Variants in KDM1A observed in about 807,000 individuals in gnomAD.
KDM1A encodes the protein lysine-specific histone demethylase 1A.
A neutral mutation model predicts 109.4 loss-of-function variants in KDM1A; 49 were observed. That is an observed-to-expected ratio of 0.45 (90% confidence interval 0.36 to 0.57). KDM1A has a LOEUF of 0.57. Ranked by LOEUF, KDM1A falls within the 20% of genes least tolerant of loss-of-function variation. The probability of loss-of-function intolerance (pLI) is 0.00; values close to 1 mark genes in which losing one functional copy is unlikely to be tolerated. For synonymous variants in KDM1A, 380 were observed against 415.4 expected (o/e 0.91, Z 1.04); for missense variants, 668 against 1,116.6 (o/e 0.60, Z 5.73).
intron 2 of KDM1A, among the ~76,000 whole-genome samples, chr1:23,042,437 A>AT (rs1316853352): frequency 1.4e-3 from 45 of 31,146 alleles, no homozygotes; most frequent in South Asian, 8.2e-3. Context: ...TATGAAATAT[A>AT]TTATTTTTTT....
chr1:23,030,804 T>A (rs1246071708), intron 2 of KDM1A, among the ~76,000 whole-genome samples, 170 bp downstream of exon 2: 1 of 152,182 alleles, frequency 6.6e-6, no homozygotes, highest in Non-Finnish European at 1.5e-5. Context: ...TATACATGTA[T>A]ATGTGTGTAT....
chr1:23,036,510 G>A (rs1271755150), intron 2 of KDM1A, among the ~76,000 whole-genome samples: 1 of 135,006 alleles, frequency 7.4e-6, no homozygotes, highest in Non-Finnish European at 1.5e-5. Flanking sequence ...GTTCTGATTT[G>A]GACCTATGCT....
chr1:23,059,112 T>C lies in KDM1A; in HGVS notation c.1112T>C (p.Met371Thr), dbSNP rs200002247. ...PMAVVSKQVN[M>T]ELAKIKQKCP... ...GCTGTGGTCAGCAAACAAGTAAATA[T>C]GGAACTGGCCAAGATCAAGCAAAAA... Residue 371 changes from methionine (M) to threonine (T), a missense_variant, in exon 9 of 21, where the codon ATG (methionine) becomes ACG (threonine). Coordinates refer to ENST00000400181, the MANE Select transcript of KDM1A (RefSeq NM_001009999.3). The C allele has an allele frequency of 3.1e-6, 5 of 1,612,922 alleles. No homozygotes were observed. Among genetic ancestry groups the C allele is most frequent in the East Asian group, 2.2e-5 (1 of 44,798 alleles).
At chr1:23,065,591 G>C (rs1222214435) in intron 9 of KDM1A, among the ~76,000 whole-genome samples, 1 of 152,192 alleles carries the variant, frequency 6.6e-6, no homozygotes, top group Non-Finnish European at 1.5e-5. Flanking sequence ...CCTGGTGGCT[G>C]ACAATCTCAC....
At chr1:23,058,799 A>G (rs1408142021) in intron 8 of KDM1A, among the ~76,000 whole-genome samples, 3 of 152,220 alleles carry the variant, frequency 2.0e-5, no homozygotes, top group African/African-American at 4.8e-5. Context: ...TTATAAAACA[A>G]TACGTATTAT....
chr1:23,042,871 C>T (rs543111795), intron 2 of KDM1A, among the ~76,000 whole-genome samples: 1 of 152,198 alleles, frequency 6.6e-6, no homozygotes, highest in African/African-American at 2.4e-5. Flanking sequence ...GCCTCAGCCT[C>T]CCGAGTAGCT....
chr1:23,057,006 C>G (rs1038076725), intron 7 of KDM1A, among the ~76,000 whole-genome samples: 1 of 151,910 alleles, frequency 6.6e-6, no homozygotes, highest in African/African-American at 2.4e-5. Flanking sequence ...ACTGGAGAAC[C>G]ATTTGTCAGA....
Position 23,083,554 on chromosome 1 carries a change from T to C in KDM1A, c.*190T>C, listed in dbSNP as rs1272906629. 8.2e-5 allele frequency: 39 copies of C among 477,792 alleles called. No individual in the cohort carries two copies. The highest frequency in any genetic ancestry group is 1.1e-3 in the Middle Eastern group (2 of 1,850). 29.6% of individuals were successfully genotyped at this position (477,792 alleles called of 1,614,324 possible). A position where few individuals can be genotyped will look rare whatever the true frequency, so the allele number is the denominator to read the frequency against. ...GACCTAGAGCACAGGGAGGAACTTGTCCATTAGTTTGGAATTGTGTTCTTC... is the reference window on the plus strand; with the variant it reads ...GACCTAGAGCACAGGGAGGAACTTGCCCATTAGTTTGGAATTGTGTTCTTC... On this transcript the variant is annotated 3_prime_UTR_variant, in exon 21 of 21. Transcript: ENST00000400181.
intron 14 of KDM1A, among the ~76,000 whole-genome samples, chr1:23,072,891 C>T (rs1234658176): frequency 6.6e-6 from 1 of 152,162 alleles, no homozygotes; most frequent in Admixed American, 6.5e-5. Flanking sequence ...CCACCTGCCT[C>T]GACCTCCCAA....
At chr1:23,073,556 T>G (rs1643378725) in intron 15 of KDM1A, among the ~76,000 whole-genome samples, 153 bp downstream of exon 15, 1 of 152,260 alleles carries the variant, frequency 6.6e-6, no homozygotes, top group Non-Finnish European at 1.5e-5. Flanking sequence ...AACAGTTTAT[T>G]GATTTGCCAG....
At position 23,050,282 on chromosome 1, in the gene KDM1A, T is replaced by C. The variant is rs1371117044; in HGVS notation, c.578-105T>C. ...AGCTTTTGAGACAATTGAAAATTTT[T>C]TAAAAAGGTCAGTCTGTGAGTGAGG... is the stretch of plus-strand genomic sequence containing the variant. On this transcript the variant is annotated intron_variant, in intron 3 of 20. Coordinates refer to ENST00000400181, the MANE Select transcript of KDM1A (RefSeq NM_001009999.3). 3 of 1,218,216 alleles carry C rather than the reference T, an allele frequency of 2.5e-6. No homozygotes were observed. The East Asian group carries it at 8.7e-5, about 35-fold the overall frequency. The allele number at this position is 1,218,216 out of a possible 1,614,324, so 75.5% of individuals were successfully genotyped here.
intron 20 of KDM1A, chr1:23,082,712 G>T: frequency 4.8e-6 from 1 of 209,410 alleles, no homozygotes; most frequent in Non-Finnish European, 9.6e-6. Context: ...GGGCTTCCAG[G>T]GCATTTCTGA....
rs1444847721 is a variant in KDM1A, at chr1:23,083,302, A to G, written c.2569A>G (p.Met857Val). The G allele has an allele frequency of 6.2e-7, 1 of 1,613,870 alleles. No individual in the cohort carries two copies. Among genetic ancestry groups the G allele is most frequent in the Non-Finnish European group, 8.5e-7 (1 of 1,179,954 alleles). ...AATTGCAGACCAGTTTTTGGGGGCC[A>G]TGTATACGCTGCCTCGCCAGGCCAC... ...GRIADQFLGA[M>V]YTLPRQATPG... is the part of the protein sequence containing the mutation. The change falls in exon 21 of 21, where the codon ATG (methionine) becomes GTG (valine). Residue 857 changes from methionine to valine, a missense_variant. Transcript: ENST00000400181.
chr1:23,080,439 GC>G (rs2124549111), intron 18 of KDM1A, among the ~76,000 whole-genome samples: 1 of 152,292 alleles, frequency 6.6e-6, no homozygotes, highest in South Asian at 2.1e-4. Context: ...CCCAGTCCAA[GC>G]CATTCTTACC....
intron 9 of KDM1A, among the ~76,000 whole-genome samples, chr1:23,060,623 A>G (rs1003183064): frequency 4.6e-4 from 70 of 152,172 alleles, no homozygotes; most frequent in African/African-American, 1.6e-3. Flanking sequence ...CAGGATTTCA[A>G]CATGTGTTTA....
intron 19 of KDM1A, 137 bp from the exon 20 acceptor site, chr1:23,082,083 C>T (rs1643636005): frequency 2.4e-6 from 2 of 836,360 alleles, no homozygotes; most frequent in Admixed American, 2.7e-5. Flanking sequence ...AGGCATTCAT[C>T]ACTTGATCAC....
chr1:23,020,349 CGT>C, intron 1 of KDM1A: 1 of 158,716 alleles, frequency 6.3e-6, no homozygotes, highest in African/African-American at 2.4e-5. Context: ...ATATTGATGG[CGT>C]TTCAGCTGGG....
At chr1:23,066,014 G>C in intron 9 of KDM1A, 46 bp from the exon 10 acceptor site, 1 of 1,602,224 alleles carries the variant, frequency 6.2e-7, no homozygotes, top group Non-Finnish European at 8.5e-7. Context: ...TGGCTGTTGG[G>C]CTGTTATTTA....
rs115288840 is a variant in KDM1A at position 23,080,334 on chromosome 1, G to A, written c.2170+667G>A. On this transcript the variant is annotated intron_variant, in intron 18 of 20. Transcript: ENST00000400181. The stretch of plus-strand genomic sequence containing the variant: ...CACATTGCTTTCTGAGAGCAGCAGC[G>A]TGTCTTTTCCCTTCCCCATCCAGGC... Among the ~76,000 whole-genome samples the A allele has an allele frequency of 4.9e-3, 743 of 152,244 alleles. 4 individuals carry two copies. Among genetic ancestry groups the A allele is most frequent in the African/African-American group, 0.017 (709 of 41,534 alleles).
Sources: allele counts gnomAD v4.1 joint callset (sites outside exome capture counted in the v4.1 genomes callset), GRCh38; gene constraint gnomAD v4.1.1; transcripts MANE v1.5; gene names NCBI Gene and HGNC (gene_info 2026-07-23, HGNC 2026-07-21).